The following BNC2 variants were observed in gnomAD, a reference collection of about 807,000 sequenced individuals.
BNC2 encodes zinc finger protein basonuclin-2.
In BNC2, 20 loss-of-function variants were observed where a neutral mutation model predicts 76.3. The ratio of observed to expected loss-of-function variants is 0.26; its 90% CI spans 0.18 to 0.38. The LOEUF is 0.38. Among genes scored for constraint, BNC2 ranks in the 10% least tolerant of loss-of-function variants. The pLI is 1.00. For synonymous variants in BNC2, 582 were observed against 514.8 expected, an observed-to-expected ratio of 1.13 and a Z score of -1.77; for missense variants, 1,382 against 1,399.8, an observed-to-expected ratio of 0.99 and a Z score of 0.20.
chr9:16,841,450 A>G (rs1447584346), intron 1 of BNC2, among the ~76,000 whole-genome samples: 1 of 152,224 alleles, frequency 6.6e-6, no homozygotes, highest in Non-Finnish European at 1.5e-5. Context: ...TGAGGCCATC[A>G]GAACTGTAAC....
intron 1 of BNC2, among the ~76,000 whole-genome samples, chr9:16,866,743 G>C (rs1199345229): frequency 6.8e-6 from 1 of 147,556 alleles, no homozygotes; most frequent in East Asian, 2.0e-4. Context: ...TACTCTTTTT[G>C]TGCAACATTC....
intron 5 of BNC2, among the ~76,000 whole-genome samples, chr9:16,496,901 G>T (rs10118119): frequency 0.62 from 94,721 of 152,190 alleles, 32,004 homozygotes; most frequent in African/African-American, 0.91. Context: ...GCTTCTAAAG[G>T]ATCTTCTTAC....
At chr9:16,771,781 C>T (rs959256042) in intron 1 of BNC2, among the ~76,000 whole-genome samples, 4 of 152,142 alleles carry the variant, frequency 2.6e-5, no homozygotes, top group African/African-American at 9.7e-5. Flanking sequence ...GCATCTTTTG[C>T]TAAATGACAG....
chr9:16,610,020 C>T (rs1820500816), intron 3 of BNC2, among the ~76,000 whole-genome samples: 2 of 152,112 alleles, frequency 1.3e-5, no homozygotes, highest in South Asian at 4.1e-4. Context: ...AATACCAAAT[C>T]ATTTGTATCT....
rs542662510 is a variant in BNC2, at chr9:16,659,140, T to C, written c.330+68657A>G. 6.9e-3 allele frequency among the ~76,000 whole-genome samples: 817 copies of C among 118,892 alleles called. 21 individuals are homozygous for C. Among genetic ancestry groups the C allele is most frequent in the South Asian group, 0.063 (233 of 3,692 alleles). The allele number at this position is 118,892 out of a possible 152,430, so 78.0% of individuals were successfully genotyped here. On this transcript the variant is annotated intron_variant, in intron 3 of 6. Coordinates refer to ENST00000380672, the MANE Select transcript of BNC2 (RefSeq NM_017637.6). ...TGGACAGGTGTGGGTAAATGGCAGA[T>C]GGATGGCGGGGGGGGGCATGTGAAT...
At chr9:16,798,983 G>A (rs1288697259) in intron 1 of BNC2, among the ~76,000 whole-genome samples, 1 of 152,126 alleles carries the variant, frequency 6.6e-6, no homozygotes, top group African/African-American at 2.4e-5. Context: ...AATGTCAGGG[G>A]GCTCTGAGAG....
chr9:16,855,539 T>A (rs372840879), intron 1 of BNC2, among the ~76,000 whole-genome samples: 3 of 152,198 alleles, frequency 2.0e-5, no homozygotes, highest in African/African-American at 7.2e-5. Context: ...TTTAAAAGCA[T>A]CTTTTTTTTG....
chr9:16,733,022 T>G (rs1321511377), intron 2 of BNC2, among the ~76,000 whole-genome samples: 1 of 152,232 alleles, frequency 6.6e-6, no homozygotes, highest in Admixed American at 6.5e-5. Context: ...GACTTTACCA[T>G]GTAAAAATAA....
At chr9:16,845,389 A>G (rs909942408) in intron 1 of BNC2, among the ~76,000 whole-genome samples, 2 of 152,194 alleles carry the variant, frequency 1.3e-5, no homozygotes, top group African/African-American at 2.4e-5. Context: ...AAGTCATAAT[A>G]TACGCATTAG....
chr9:16,717,336 T>C (rs949617728), intron 3 of BNC2, among the ~76,000 whole-genome samples: 3 of 152,138 alleles, frequency 2.0e-5, no homozygotes, highest in African/African-American at 4.8e-5. Context: ...TTTAAGTATA[T>C]AGCTTTAGGG....
At chr9:16,713,533 C>T (rs996814927) in intron 3 of BNC2, among the ~76,000 whole-genome samples, 3 of 147,768 alleles carry the variant, frequency 2.0e-5, no homozygotes, top group African/African-American at 5.0e-5. Context: ...TAGGGATGTG[C>T]AGGCTTTGAA....
intron 5 of BNC2, among the ~76,000 whole-genome samples, chr9:16,512,882 T>C: frequency 6.6e-6 from 1 of 150,620 alleles, no homozygotes. Context: ...ATGCCTGAAA[T>C]CCAAACACTT....
intron 5 of BNC2, among the ~76,000 whole-genome samples, chr9:16,485,869 C>G (rs772493877): frequency 1.4e-4 from 21 of 152,158 alleles, no homozygotes; most frequent in Non-Finnish European, 2.2e-4. Context: ...TTCTCAATCC[C>G]CCATTTGTAC....
intron 3 of BNC2, among the ~76,000 whole-genome samples, chr9:16,691,202 T>C (rs1391722681): frequency 6.6e-6 from 1 of 152,158 alleles, no homozygotes; most frequent in Non-Finnish European, 1.5e-5. Flanking sequence ...TTACACGTAA[T>C]ATTTATTAAT....
intron 1 of BNC2, among the ~76,000 whole-genome samples, chr9:16,862,392 T>C (rs903539780): frequency 1.3e-5 from 2 of 152,214 alleles, no homozygotes; most frequent in South Asian, 2.1e-4. Flanking sequence ...TAGTGTTATA[T>C]AAAATATGAA....
intron 1 of BNC2, among the ~76,000 whole-genome samples, chr9:16,828,075 T>C (rs1818494059): frequency 6.6e-6 from 1 of 152,206 alleles, no homozygotes; most frequent in Admixed American, 6.5e-5. Flanking sequence ...GTTCACACTA[T>C]AAAGTCATCC....
chr9:16,711,712 T>C (rs985991377), intron 3 of BNC2, among the ~76,000 whole-genome samples: 8 of 152,236 alleles, frequency 5.3e-5, no homozygotes, highest in Non-Finnish European at 8.8e-5. Context: ...CATTCTATTA[T>C]TCTGGAGAGA....
intron 1 of BNC2, among the ~76,000 whole-genome samples, chr9:16,839,958 A>G (rs977582751): frequency 1.3e-5 from 2 of 152,224 alleles, no homozygotes; most frequent in Admixed American, 6.5e-5. Flanking sequence ...TGACCCAAGC[A>G]AGACACAGCT....
intron 3 of BNC2, among the ~76,000 whole-genome samples, chr9:16,697,265 G>A (rs1823365623): frequency 6.6e-6 from 1 of 152,178 alleles, no homozygotes; most frequent in Non-Finnish European, 1.5e-5. Context: ...GGCTGAGGCA[G>A]GAGAATCGCT....
Sources: gnomAD v4.1 joint callset for allele counts (sites outside exome capture counted in the v4.1 genomes callset) on GRCh38, gnomAD v4.1.1 for gene constraint, MANE v1.5 for transcripts, NCBI Gene and HGNC (gene_info 2026-07-23, HGNC 2026-07-21) for gene names.